NRG3: variants seen among roughly 807,000 people sequenced by gnomAD.
The protein encoded by NRG3 is neuregulin 3, also known as pro-neuregulin-3, membrane-bound isoform.
A neutral mutation model predicts 66.9 loss-of-function variants in NRG3; 31 were observed. The ratio of observed to expected loss-of-function variants is 0.46; its 90% CI spans 0.35 to 0.63. The LOEUF (loss-of-function observed/expected upper bound fraction) is 0.63, where lower values mean the gene tolerates loss of function less well. Among genes scored for constraint, NRG3 ranks in the 20% least tolerant of loss-of-function variants. NRG3 has a pLI of 0.00. For synonymous variants in NRG3, 393 were observed against 359.4 expected, an observed-to-expected ratio of 1.09 and a Z score of -1.06; for missense variants, 910 against 878.9, an observed-to-expected ratio of 1.04 and a Z score of -0.45.
At chr10:82,191,872 T>A (rs192759320) in intron 1 of NRG3, among the ~76,000 whole-genome samples, 2 of 152,276 alleles carry the variant, frequency 1.3e-5, no homozygotes, top group Admixed American at 6.5e-5. Context: ...CAATGCCCAT[T>A]TTCTTATGCC....
rs1366893212 is a variant in NRG3, at chr10:82,347,850, C to T, written c.824-10889C>T. 4.6e-5 allele frequency among the ~76,000 whole-genome samples: 7 copies of T among 151,616 alleles called. No homozygotes were observed. The East Asian group carries it at 5.8e-4, about 13-fold the overall frequency. Reference sequence around the variant, plus strand: ...CCTTCTTTGTCTCTTTTGATCTTTGCTGGTTTAAAGTCTGTTTTATCAGAG... The same window carrying T: ...CCTTCTTTGTCTCTTTTGATCTTTGTTGGTTTAAAGTCTGTTTTATCAGAG... On this transcript the variant is annotated intron_variant, in intron 1 of 8. Transcript: ENST00000372141.
At chr10:82,613,392 G>A (rs2048430872) in intron 2 of NRG3, among the ~76,000 whole-genome samples, 1 of 150,510 alleles carries the variant, frequency 6.6e-6, no homozygotes, top group Non-Finnish European at 1.5e-5. Flanking sequence ...ATTGTGGAAG[G>A]GTCACTGTTT....
chr10:82,544,863 G>A (rs2043789048), intron 2 of NRG3, among the ~76,000 whole-genome samples: 1 of 152,172 alleles, frequency 6.6e-6, no homozygotes, highest in Non-Finnish European at 1.5e-5. Flanking sequence ...CAAAGTTTCT[G>A]TAACTTTAAC....
intron 1 of NRG3, among the ~76,000 whole-genome samples, chr10:81,946,303 C>T (rs1848836632): frequency 6.6e-6 from 1 of 152,142 alleles, no homozygotes; most frequent in Admixed American, 6.6e-5. Flanking sequence ...AGGCATACGC[C>T]CAGCCAATAC....
chr10:82,706,268 T>A (rs1027058510), intron 2 of NRG3, among the ~76,000 whole-genome samples: 1 of 152,104 alleles, frequency 6.6e-6, no homozygotes, highest in South Asian at 2.1e-4. Flanking sequence ...AAATGACATA[T>A]TATAATCTCC....
At chr10:82,935,645 C>T (rs2132209519) in intron 4 of NRG3, among the ~76,000 whole-genome samples, 1 of 152,050 alleles carries the variant, frequency 6.6e-6, no homozygotes, top group Middle Eastern at 3.4e-3. Context: ...TAAACGGAGT[C>T]TCGCTCTGTC....
chr10:82,881,337 TA>T (rs536030306), intron 4 of NRG3, among the ~76,000 whole-genome samples: 19 of 152,362 alleles, frequency 1.2e-4, no homozygotes, highest in Middle Eastern at 3.4e-3. Flanking sequence ...GCATTTAACT[TA>T]CCAAAAGATG....
intron 1 of NRG3, among the ~76,000 whole-genome samples, chr10:82,051,335 T>A (rs2063582514): frequency 6.6e-6 from 1 of 152,122 alleles, no homozygotes; most frequent in African/African-American, 2.4e-5. Context: ...TGAAGCAAGG[T>A]ATTTCTGTTA....
intron 1 of NRG3, among the ~76,000 whole-genome samples, chr10:82,099,999 A>ATATG (rs990297243): frequency 6.6e-6 from 1 of 150,390 alleles, no homozygotes; most frequent in South Asian, 2.1e-4. Context: ...ATATATATAT[A>ATATG]TAATTTAAAA....
chr10:82,043,652 C>T (rs2063140624), intron 1 of NRG3, among the ~76,000 whole-genome samples: 1 of 151,972 alleles, frequency 6.6e-6, no homozygotes, highest in Admixed American at 6.6e-5. Context: ...GTAGGTATAA[C>T]ACTCTGGTCC....
chr10:82,588,152 A>G (rs1419009266), intron 2 of NRG3, among the ~76,000 whole-genome samples: 1 of 152,156 alleles, frequency 6.6e-6, no homozygotes, highest in Non-Finnish European at 1.5e-5. Context: ...TCCTGGTTCC[A>G]TCCTTTTCCC....
chr10:81,889,434 G>C (rs895256088), intron 1 of NRG3: 2 of 152,178 alleles, frequency 1.3e-5, no homozygotes, highest in Non-Finnish European at 2.9e-5. Context: ...TCATGGACTG[G>C]AGAACTGCAT....
chr10:82,745,368 A>T (rs1009766034), intron 3 of NRG3, among the ~76,000 whole-genome samples: 2 of 152,180 alleles, frequency 1.3e-5, no homozygotes, highest in African/African-American at 4.8e-5. Flanking sequence ...GAGGACACAA[A>T]GCAGAAACTA....
intron 1 of NRG3, among the ~76,000 whole-genome samples, chr10:82,324,320 C>T (rs184543086): frequency 1.3e-5 from 2 of 152,216 alleles, no homozygotes; most frequent in East Asian, 1.9e-4. Flanking sequence ...TCCCTACCCT[C>T]GTCACTCTTG....
intron 1 of NRG3, among the ~76,000 whole-genome samples, chr10:82,031,057 A>G (rs1177114392): frequency 6.6e-6 from 1 of 152,204 alleles, no homozygotes; most frequent in Non-Finnish European, 1.5e-5. Context: ...GGATCTTCAC[A>G]TATGTGAAGA....
chr10:82,480,139 T>TA (rs1842144696), intron 2 of NRG3, among the ~76,000 whole-genome samples: 1 of 152,206 alleles, frequency 6.6e-6, no homozygotes, highest in Non-Finnish European at 1.5e-5. Flanking sequence ...ATAAGAAAGG[T>TA]CAAAAATTCA....
intron 2 of NRG3, among the ~76,000 whole-genome samples, chr10:82,500,063 A>G (rs1844017997): frequency 6.6e-6 from 1 of 152,202 alleles, no homozygotes; most frequent in Non-Finnish European, 1.5e-5. Flanking sequence ...GAGAAGGACA[A>G]GAAAATAAGG....
At chr10:82,378,952 G>A (rs983914403) in intron 2 of NRG3, among the ~76,000 whole-genome samples, 1 of 152,104 alleles carries the variant, frequency 6.6e-6, no homozygotes, top group Non-Finnish European at 1.5e-5. Context: ...CAGACTATAA[G>A]GATAAGAGCA....
intron 3 of NRG3, among the ~76,000 whole-genome samples, chr10:82,861,720 C>T (rs2064139320): frequency 2.6e-5 from 4 of 152,066 alleles, no homozygotes; most frequent in Admixed American, 6.6e-5. Context: ...TCAGCTGCAC[C>T]GGAAAGTTCT....
Sources: allele counts gnomAD v4.1 joint callset (sites outside exome capture counted in the v4.1 genomes callset), GRCh38; gene constraint gnomAD v4.1.1; transcripts MANE v1.5; gene names NCBI Gene and HGNC (gene_info 2026-07-23, HGNC 2026-07-21).